The following ZNF385B variants were observed in gnomAD, a reference collection of about 807,000 sequenced individuals.
The protein encoded by ZNF385B is zinc finger protein 533.
In ZNF385B, 23 loss-of-function variants were observed where a neutral mutation model predicts 39.2. The observed-to-expected ratio is 0.59, with a 90% CI of 0.42 to 0.83. The LOEUF is 0.83. ZNF385B is among the 40% of genes least tolerant of loss of function. ZNF385B has a pLI of 0.00. For missense variants in ZNF385B, 552 were observed against 598.9 expected (o/e 0.92, Z 0.82); for synonymous variants, 205 against 222.6 (o/e 0.92, Z 0.70).
intron 5 of ZNF385B, among the ~76,000 whole-genome samples, chr2:179,496,342 T>C (rs576510833): frequency 6.6e-6 from 1 of 152,098 alleles, no homozygotes; most frequent in Admixed American, 6.5e-5. Flanking sequence ...CCACAGGATC[T>C]AAAAACATAG....
intron 3 of ZNF385B, among the ~76,000 whole-genome samples, chr2:179,669,607 G>T (rs1695645726): frequency 6.6e-6 from 1 of 152,064 alleles, no homozygotes; most frequent in Non-Finnish European, 1.5e-5. Flanking sequence ...GCAAATTGAG[G>T]GGGAAAATGA....
At chr2:179,522,382 G>A (rs1488020025) in intron 4 of ZNF385B, among the ~76,000 whole-genome samples, 1 of 152,148 alleles carries the variant, frequency 6.6e-6, no homozygotes, top group African/African-American at 2.4e-5. Flanking sequence ...TAGTCATAAT[G>A]AGATGCATGT....
In ZNF385B at chr2:179,445,588, A is replaced by G; in HGVS notation, c.1102T>C (p.Cys368Arg). The G allele has an allele frequency of 6.2e-7, 1 of 1,612,300 alleles. No individual in the cohort carries two copies. The highest frequency in any genetic ancestry group is 8.5e-7 in the Non-Finnish European group (1 of 1,179,560). The change falls in exon 8 of 10, where the codon TGT becomes CGT. Residue 368 changes from cysteine (C) to arginine (R), a missense_variant. By Grantham distance (180) the Cys-to-Arg change is radical. Transcript: ENST00000410066. ...LQNKTFHCEI[C>R]DVHVNSEIQL... ...ATTTCTGAATTAACATGAACATCAC[A>G]GATTTCACAATGAAATGTCTTGTTC...
At chr2:179,657,193 T>C (rs549234562) in intron 3 of ZNF385B, among the ~76,000 whole-genome samples, 2 of 152,140 alleles carry the variant, frequency 1.3e-5, no homozygotes, top group Non-Finnish European at 2.9e-5. Context: ...AACACAAGTA[T>C]TTGAAGAAAA....
intron 3 of ZNF385B, among the ~76,000 whole-genome samples, chr2:179,589,406 T>G (rs1687366914): frequency 6.6e-6 from 1 of 152,116 alleles, no homozygotes; most frequent in Non-Finnish European, 1.5e-5. Context: ...ACACATGTAT[T>G]CCATAGGGAA....
At chr2:179,523,683 A>G (rs1449859004) in intron 4 of ZNF385B, among the ~76,000 whole-genome samples, 1 of 152,236 alleles carries the variant, frequency 6.6e-6, no homozygotes, top group Non-Finnish European at 1.5e-5. Context: ...TTCTTATAAG[A>G]GTCTTAAAAG....
At chr2:179,658,502 G>A (rs1473054720) in intron 3 of ZNF385B, among the ~76,000 whole-genome samples, 1 of 152,188 alleles carries the variant, frequency 6.6e-6, no homozygotes, top group East Asian at 1.9e-4. Context: ...ATGGTTAGAA[G>A]CAGTCTTGAG....
intron 5 of ZNF385B, among the ~76,000 whole-genome samples, chr2:179,493,678 T>TATGTATAC (rs2055649199): frequency 1.8e-5 from 2 of 111,088 alleles, no homozygotes; most frequent in Admixed American, 1.9e-4. Context: ...CATATGCATA[T>TATGTATAC]ACATATACAC....
intron 1 of ZNF385B, among the ~76,000 whole-genome samples, chr2:179,820,507 A>G (rs531745677): frequency 4.0e-4 from 61 of 151,444 alleles, no homozygotes; most frequent in African/African-American, 1.2e-3. Flanking sequence ...CTCTTAACAT[A>G]CTCTTATCTG....
At chr2:179,687,523 T>C (rs1298049019) in intron 3 of ZNF385B, among the ~76,000 whole-genome samples, 1 of 152,164 alleles carries the variant, frequency 6.6e-6, no homozygotes, top group Non-Finnish European at 1.5e-5. Flanking sequence ...TTCTCACCTC[T>C]TAAAAATATC....
At chr2:179,530,494 C>T (rs2059189728) in intron 4 of ZNF385B, among the ~76,000 whole-genome samples, 1 of 152,148 alleles carries the variant, frequency 6.6e-6, no homozygotes, top group East Asian at 1.9e-4. Flanking sequence ...AAAATCAATA[C>T]ATCTCCTGAA....
chr2:179,470,598 G>T (rs1303340579), intron 6 of ZNF385B, among the ~76,000 whole-genome samples: 1 of 152,140 alleles, frequency 6.6e-6, no homozygotes, highest in Non-Finnish European at 1.5e-5. Context: ...CAGCCTTCTA[G>T]CCTCTCTCTC....
intron 5 of ZNF385B, among the ~76,000 whole-genome samples, chr2:179,514,907 T>G (rs1298909708): frequency 6.6e-6 from 1 of 151,868 alleles, no homozygotes; most frequent in Non-Finnish European, 1.5e-5. Context: ...GCCTCCCAAG[T>G]AGCTGGGATT....
intron 3 of ZNF385B, among the ~76,000 whole-genome samples, chr2:179,570,158 G>T (rs1008099325): frequency 6.6e-6 from 1 of 152,078 alleles, no homozygotes; most frequent in Non-Finnish European, 1.5e-5. Flanking sequence ...CCAGCCAAGA[G>T]AGTCCATCAT....
chr2:179,549,184 G>C (rs1009333317), intron 3 of ZNF385B, among the ~76,000 whole-genome samples: 1 of 149,176 alleles, frequency 6.7e-6, no homozygotes, highest in Non-Finnish European at 1.5e-5. Context: ...CCATTGTATG[G>C]ATTTCCCAAA....
intron 3 of ZNF385B, among the ~76,000 whole-genome samples, chr2:179,599,305 C>G (rs1688233423): frequency 6.6e-6 from 1 of 152,130 alleles, no homozygotes; most frequent in South Asian, 2.1e-4. Flanking sequence ...CAACTTGCCA[C>G]TTTTGTGACT....
intron 3 of ZNF385B, among the ~76,000 whole-genome samples, chr2:179,559,207 G>A: frequency 6.6e-6 from 1 of 152,164 alleles, no homozygotes; most frequent in East Asian, 1.9e-4. Context: ...ACCTAGTGAA[G>A]CAGGGCATCT....
chr2:179,650,883 T>A lies in ZNF385B; in HGVS notation c.299-105914A>T, dbSNP rs1693135459. On this transcript the variant is annotated intron_variant, in intron 3 of 9. Transcript: ENST00000410066. ...TGCCTTACCAGACAGTTAAGACGCA[T>A]TAAATCCACTAGACAATTGATACAA... Among the ~76,000 whole-genome samples, 3 of 152,312 alleles carry A rather than the reference T, an allele frequency of 2.0e-5. No individual in the cohort carries two copies. In the South Asian group the frequency reaches 6.2e-4, roughly 32 times the overall value.
chr2:179,734,109 CATA>C (rs1222412050), intron 3 of ZNF385B, among the ~76,000 whole-genome samples: 1 of 152,188 alleles, frequency 6.6e-6, no homozygotes, highest in Non-Finnish European at 1.5e-5. Context: ...TAAATTACTG[CATA>C]ATATCACATG....
Sources: allele counts gnomAD v4.1 joint callset (sites outside exome capture counted in the v4.1 genomes callset), GRCh38; gene constraint gnomAD v4.1.1; transcripts MANE v1.5; gene names NCBI Gene and HGNC (gene_info 2026-07-23, HGNC 2026-07-21).